Variants in STXBP5L observed in about 807,000 individuals in gnomAD.
The protein encoded by STXBP5L is syntaxin-binding protein 5-like.
STXBP5L carries 65 observed loss-of-function variants against 144.5 expected under a neutral mutation model. The observed-to-expected ratio is 0.45, with a 90% CI of 0.37 to 0.55. The LOEUF (loss-of-function observed/expected upper bound fraction) is 0.55, where lower values mean the gene tolerates loss of function less well. Ranked by LOEUF, STXBP5L falls within the 20% of genes least tolerant of loss-of-function variation. The probability of loss-of-function intolerance (pLI) is 0.00; values close to 1 mark genes in which losing one functional copy is unlikely to be tolerated. For synonymous variants in STXBP5L, 505 were observed against 469.6 expected, an observed-to-expected ratio of 1.08 and a Z score of -0.97; for missense variants, 1,298 against 1,405.5, an observed-to-expected ratio of 0.92 and a Z score of 1.22.
intron 5 of STXBP5L, among the ~76,000 whole-genome samples, chr3:121,049,080 A>T (rs1369067598): frequency 6.6e-6 from 1 of 151,782 alleles, no homozygotes; most frequent in Non-Finnish European, 1.5e-5. Flanking sequence ...CTGAGAGCCT[A>T]GGTAGGGGGT....
intron 3 of STXBP5L, among the ~76,000 whole-genome samples, chr3:121,031,271 A>C (rs1282554678): frequency 6.6e-6 from 1 of 152,142 alleles, no homozygotes; most frequent in African/African-American, 2.4e-5. Context: ...GCAAGGTCAG[A>C]ATACACAACA....
At chr3:121,094,059 A>C (rs968903640) in intron 5 of STXBP5L, among the ~76,000 whole-genome samples, 2 of 152,068 alleles carry the variant, frequency 1.3e-5, no homozygotes, top group South Asian at 4.2e-4. Context: ...CAGGTTGTTC[A>C]ATTTTCATGT....
At chr3:120,985,439 A>G (rs982484302) in intron 3 of STXBP5L, among the ~76,000 whole-genome samples, 1 of 152,076 alleles carries the variant, frequency 6.6e-6, no homozygotes, top group Non-Finnish European at 1.5e-5. Context: ...AGCATTTAAA[A>G]TGTGCTGTCT....
At chr3:121,297,058 G>T (rs901034988) in intron 19 of STXBP5L, among the ~76,000 whole-genome samples, 2 of 152,006 alleles carry the variant, frequency 1.3e-5, no homozygotes, top group Non-Finnish European at 2.9e-5. Flanking sequence ...TGGCAAAGGG[G>T]GTATAAAAGA....
At chr3:121,048,688 CTT>C (rs11444329) in intron 5 of STXBP5L, among the ~76,000 whole-genome samples, 19 of 140,994 alleles carry the variant, frequency 1.3e-4, no homozygotes, top group Admixed American at 1.4e-4. Flanking sequence ...CAGTTAGAGT[CTT>C]TTTTTTTTTT....
intron 4 of STXBP5L, among the ~76,000 whole-genome samples, chr3:121,043,083 C>A (rs1192542000): frequency 6.6e-6 from 1 of 151,810 alleles, no homozygotes; most frequent in African/African-American, 2.4e-5. Context: ...CCCTGTGGTA[C>A]ATAACTAAGA....
chr3:121,254,569 C>T (rs1478615140), intron 15 of STXBP5L, among the ~76,000 whole-genome samples: 1 of 152,132 alleles, frequency 6.6e-6, no homozygotes, highest in Non-Finnish European at 1.5e-5. Flanking sequence ...CCATTTTAGA[C>T]TTTCTGTGCC....
intron 14 of STXBP5L, among the ~76,000 whole-genome samples, chr3:121,248,825 G>A (rs1240925603): frequency 6.6e-6 from 1 of 152,114 alleles, no homozygotes; most frequent in Admixed American, 6.5e-5. Context: ...TTTTGTATAT[G>A]GTGAAAGGTA....
At chr3:121,305,368 G>T (rs2043302522) in intron 19 of STXBP5L, among the ~76,000 whole-genome samples, 1 of 151,998 alleles carries the variant, frequency 6.6e-6, no homozygotes, top group Admixed American at 6.6e-5. Context: ...TACAATAAAA[G>T]TACAAGTCAG....
chr3:121,258,038 A>T (rs956879269), intron 17 of STXBP5L, among the ~76,000 whole-genome samples: 1 of 152,212 alleles, frequency 6.6e-6, no homozygotes, highest in Non-Finnish European at 1.5e-5. Flanking sequence ...CTATATTAGA[A>T]AAAAGGATTT....
At chr3:121,410,826 G>A (rs2047098997) in intron 23 of STXBP5L, among the ~76,000 whole-genome samples, 1 of 151,988 alleles carries the variant, frequency 6.6e-6, no homozygotes, top group Non-Finnish European at 1.5e-5. Flanking sequence ...TGTTATAAGA[G>A]CAATTGTTTC....
chr3:120,947,851 C>T (rs1051100846), intron 2 of STXBP5L, among the ~76,000 whole-genome samples: 4 of 151,868 alleles, frequency 2.6e-5, no homozygotes, highest in Non-Finnish European at 5.9e-5. Context: ...TTTATTTATT[C>T]ATCAGTCGAT....
intron 7 of STXBP5L, among the ~76,000 whole-genome samples, chr3:121,134,938 G>A (rs1288098359): frequency 6.6e-5 from 10 of 152,184 alleles, no homozygotes; most frequent in Admixed American, 5.9e-4. Context: ...GGATGGCTGG[G>A]TCAAATGGTA....
At chr3:121,138,584 A>G (rs1404352418) in intron 7 of STXBP5L, among the ~76,000 whole-genome samples, 2 of 152,122 alleles carry the variant, frequency 1.3e-5, no homozygotes, top group African/African-American at 4.8e-5. Context: ...AACATATTAG[A>G]GAGCCCAACA....
intron 8 of STXBP5L, among the ~76,000 whole-genome samples, chr3:121,154,638 C>A (rs563942351): frequency 4.7e-4 from 72 of 151,682 alleles, no homozygotes; most frequent in Admixed American, 9.2e-4. Flanking sequence ...TTTATATTAT[C>A]TCTTATTTCA....
intron 3 of STXBP5L, among the ~76,000 whole-genome samples, chr3:121,006,448 C>T (rs538642493): frequency 6.6e-6 from 1 of 152,042 alleles, no homozygotes; most frequent in African/African-American, 2.4e-5. Context: ...ATGTGTGTCC[C>T]TGCACGTGAG....
chr3:121,272,254 T>G (rs555116689), intron 18 of STXBP5L, among the ~76,000 whole-genome samples: 1 of 152,320 alleles, frequency 6.6e-6, no homozygotes, highest in South Asian at 2.1e-4. Flanking sequence ...GAATTGCCAT[T>G]TGTATCTCCC....
intron 20 of STXBP5L, chr3:121,324,511 CT>C (rs2044081047): frequency 4.3e-6 from 3 of 698,562 alleles, no homozygotes; most frequent in Admixed American, 4.1e-5. Flanking sequence ...ACCAGAACCC[CT>C]GAGTCAGCAC....
intron 5 of STXBP5L, among the ~76,000 whole-genome samples, chr3:121,083,218 A>C (rs1380166367): frequency 2.7e-5 from 4 of 150,268 alleles, no homozygotes; most frequent in African/African-American, 1.0e-4. Flanking sequence ...CCAAAAAAAC[A>C]AAAAAAATCA....
Sources: gnomAD v4.1 joint callset for allele counts (sites outside exome capture counted in the v4.1 genomes callset) on GRCh38, gnomAD v4.1.1 for gene constraint, MANE v1.5 for transcripts, NCBI Gene and HGNC (gene_info 2026-07-23, HGNC 2026-07-21) for gene names.